The following TULP3 variants were observed in gnomAD, a reference collection of about 807,000 sequenced individuals.
TULP3 encodes the protein TUB like protein 3, also known as tubby-related protein 3.
Under a neutral mutation model 50.7 loss-of-function variants are expected in TULP3, and 38 were observed. The ratio of observed to expected loss-of-function variants is 0.75; its 90% CI spans 0.58 to 0.98. The LOEUF (loss-of-function observed/expected upper bound fraction) is 0.98, where lower values mean the gene tolerates loss of function less well. Ranked by LOEUF, TULP3 falls within the 50% of genes least tolerant of loss-of-function variation. TULP3 has a pLI of 0.00. For synonymous variants in TULP3, 183 were observed against 196.6 expected, an observed-to-expected ratio of 0.93 and a Z score of 0.58; for missense variants, 550 against 568.0, an observed-to-expected ratio of 0.97 and a Z score of 0.32.
intron 2 of TULP3, among the ~76,000 whole-genome samples, chr12:2,919,151 C>CG (rs2098190347): frequency 6.6e-6 from 1 of 152,168 alleles, no homozygotes; most frequent in Admixed American, 6.5e-5. Flanking sequence ...CTCTGCCTCC[C>CG]AAAGTGTTGG....
chr12:2,919,499 C>A (rs1196121350), intron 2 of TULP3, among the ~76,000 whole-genome samples: 1 of 152,112 alleles, frequency 6.6e-6, no homozygotes, highest in East Asian at 1.9e-4. Context: ...CTTGGAGTGA[C>A]TCTTCTTCCT....
chr12:2,938,991 C>T (rs575674662), intron 10 of TULP3, among the ~76,000 whole-genome samples: 270 of 152,230 alleles, frequency 1.8e-3, no homozygotes, highest in Non-Finnish European at 3.3e-3. Context: ...CTTTGGGAGG[C>T]CGAGGCAGGA....
intron 1 of TULP3, among the ~76,000 whole-genome samples, chr12:2,906,241 A>G (rs2098182150): frequency 6.6e-6 from 1 of 151,240 alleles, no homozygotes; most frequent in South Asian, 2.1e-4. Context: ...CATGTTGGCC[A>G]GACTGCTCTT....
intron 1 of TULP3, among the ~76,000 whole-genome samples, chr12:2,897,771 T>TAAAAA (rs71057851): frequency 0.051 from 6,418 of 125,506 alleles, 471 homozygotes; most frequent in African/African-American, 0.16. Context: ...CCCTGTCTCT[T>TAAAAA]AAAAAAAAAA....
chr12:2,909,584 AG>A lies in TULP3; in HGVS notation c.93+5del. 1 of 1,583,026 alleles carries A rather than the reference AG, an allele frequency of 6.3e-7. No homozygotes were observed. The highest frequency in any genetic ancestry group is 8.5e-7 in the Non-Finnish European group (1 of 1,171,272). The stretch of plus-strand genomic sequence containing the variant: ...ACAGGCTAAGCTGGATTATCAGGTG[AG>A]CAGAGTCTCCTCTTTTGAAATAGGT... On this transcript the variant is annotated splice_donor_5th_base_variant and intron_variant, in intron 2 of 10. Transcript: ENST00000448120.
intron 1 of TULP3, 27 bp downstream of exon 1, chr12:2,891,015 TC>T: frequency 1.3e-6 from 2 of 1,555,254 alleles, no homozygotes; most frequent in Non-Finnish European, 1.7e-6. Context: ...GCAGGTCTCC[TC>T]CTGAGCGAGG....
chr12:2,922,678 A>G (rs985850648), intron 4 of TULP3, among the ~76,000 whole-genome samples: 1 of 151,972 alleles, frequency 6.6e-6, no homozygotes, highest in African/African-American at 2.4e-5. Flanking sequence ...CTTTTTGACT[A>G]TTTTCAGTTC....
chr12:2,916,012 A>C (rs1219815153), intron 2 of TULP3, among the ~76,000 whole-genome samples: 2 of 151,866 alleles, frequency 1.3e-5, no homozygotes, highest in Non-Finnish European at 2.9e-5. Context: ...CATTAATTTA[A>C]ATGAAGTTTT....
At chr12:2,932,274 A>C (rs1320487763) in intron 6 of TULP3, among the ~76,000 whole-genome samples, 2 of 152,022 alleles carry the variant, frequency 1.3e-5, no homozygotes, top group African/African-American at 4.8e-5. Flanking sequence ...CTGTGTCCCC[A>C]TGGCATGAAG....
chr12:2,934,523 G>A lies in TULP3; in HGVS notation c.886G>A (p.Ala296Thr). The A allele has an allele frequency of 1.9e-6, 3 of 1,602,358 alleles. No homozygotes were observed. Among genetic ancestry groups the A allele is most frequent in the Non-Finnish European group, 2.6e-6 (3 of 1,174,792 alleles). The change falls in exon 8 of 11, where the codon GCG becomes ACG. Residue 296 changes from alanine to threonine, a missense_variant. By Grantham distance (58) the Ala-to-Thr change is moderately conservative. Coordinates refer to ENST00000448120, the MANE Select transcript of TULP3 (RefSeq NM_003324.5). ...CPMKGRGLVG[A>T]AHTRQELAAI... is the part of the protein sequence containing the mutation. The stretch of plus-strand genomic sequence containing the variant: ...CATGAAGGGCCGGGGTTTGGTAGGA[G>A]CGGCCCACACCCGGCAGGAGCTGGC...
chr12:2,901,733 T>C (rs6489407), intron 1 of TULP3, among the ~76,000 whole-genome samples: 151,542 of 152,250 alleles, frequency 1, 75,424 homozygotes, highest in Middle Eastern at 1. Context: ...TCTTTAGATT[T>C]TAAATATTAA....
In TULP3 at chr12:2,940,009, C is replaced by T. The variant is rs1158007861; in HGVS notation, c.*565C>T. ...GACATCGCAGTTCCTCTCCTCTCTT[C>T]ATTCCCTCACAGCAGATTGGCCGGC... On this transcript the variant is annotated 3_prime_UTR_variant, in exon 11 of 11. Coordinates refer to ENST00000448120, the MANE Select transcript of TULP3 (RefSeq NM_003324.5). 7 of 1,287,212 alleles carry T rather than the reference C, an allele frequency of 5.4e-6. No individual in the cohort carries two copies. The East Asian group carries it at 3.3e-4, about 62-fold the overall frequency. 79.7% of individuals were successfully genotyped at this position (1,287,212 alleles called of 1,614,324 possible). A position where few individuals can be genotyped will look rare whatever the true frequency, so the allele number is the denominator to read the frequency against.
At chr12:2,902,392 T>A (rs1467436639) in intron 1 of TULP3, among the ~76,000 whole-genome samples, 1 of 152,236 alleles carries the variant, frequency 6.6e-6, no homozygotes, top group Non-Finnish European at 1.5e-5. Flanking sequence ...ATCCTGCTGC[T>A]TTCCTGGCAA....
chr12:2,891,854 G>C (rs927976593), intron 1 of TULP3, among the ~76,000 whole-genome samples: 2 of 152,034 alleles, frequency 1.3e-5, no homozygotes, highest in South Asian at 4.2e-4. Flanking sequence ...AGGAGTTCGA[G>C]ACCAGCCTGG....
intron 1 of TULP3, among the ~76,000 whole-genome samples, chr12:2,899,919 CAAAAA>C (rs796727543): frequency 4.1e-4 from 19 of 46,716 alleles, no homozygotes; most frequent in African/African-American, 2.1e-3. Flanking sequence ...AAAAAAAAAA[CAAAAA>C]AAACTTGGAG....
At position 2,933,452 on chromosome 12, in the gene TULP3, G is replaced by T; in HGVS notation, c.731G>T (p.Ser244Ile). 1.2e-6 allele frequency: 2 copies of T among 1,613,866 alleles called. No individual in the cohort carries two copies. Among genetic ancestry groups the T allele is most frequent in the Non-Finnish European group, 1.7e-6 (2 of 1,179,906 alleles). ...CTTGCAGCTAGAAAGCGGAAAAAGA[G>T]CAAAACAGCCAACTACCTTATCTCC... ...FLLAARKRKK[S>I]KTANYLISID... is the part of the protein sequence containing the mutation. The change falls in exon 7 of 11, where the codon AGC becomes ATC. Residue 244 changes from serine (S) to isoleucine (I), a missense_variant. Ser to Ile is a moderately radical substitution (Grantham distance 142). Coordinates refer to ENST00000448120, the MANE Select transcript of TULP3 (RefSeq NM_003324.5).
intron 1 of TULP3, among the ~76,000 whole-genome samples, chr12:2,898,498 G>A (rs1286913205): frequency 1.3e-5 from 2 of 152,004 alleles, no homozygotes; most frequent in African/African-American, 4.8e-5. Flanking sequence ...TTAACCAAAC[G>A]TTTTTGGTTT....
Position 2,927,366 on chromosome 12 carries a change from A to ATTTTTTTTTTTTTTTT in TULP3, c.395-2879_395-2864dup, listed in dbSNP as rs71057864. Among the ~76,000 whole-genome samples, 75 of 105,160 alleles carry ATTTTTTTTTTTTTTTT rather than the reference A, an allele frequency of 7.1e-4. 5 individuals are homozygous for ATTTTTTTTTTTTTTTT. Among genetic ancestry groups the ATTTTTTTTTTTTTTTT allele is most frequent in the East Asian group, 1.2e-3 (4 of 3,220 alleles). The allele number at this position is 105,160 out of a possible 152,430, so 69.0% of individuals were successfully genotyped here. A position where few individuals can be genotyped will look rare whatever the true frequency, so the allele number is the denominator to read the frequency against. On this transcript the variant is annotated intron_variant, in intron 4 of 10. Coordinates refer to ENST00000448120, the MANE Select transcript of TULP3 (RefSeq NM_003324.5). Reference sequence around the variant, plus strand: ...GGACCTATGTTTTCAGTTGAGACTGATTTTTTTTTTTTTTTTTTGAGACCA... The same window carrying ATTTTTTTTTTTTTTTT: ...GGACCTATGTTTTCAGTTGAGACTGATTTTTTTTTTTTTTTTTTTTTTTTTTTTTTTTTTGAGACCA...
At chr12:2,935,449 C>T (rs1453641410) in intron 8 of TULP3, among the ~76,000 whole-genome samples, 2 of 152,208 alleles carry the variant, frequency 1.3e-5, no homozygotes, top group East Asian at 1.9e-4. Flanking sequence ...AATTCTTACT[C>T]ATGGCTATAT....
Sources: gnomAD v4.1 joint callset for allele counts (sites outside exome capture counted in the v4.1 genomes callset) on GRCh38, gnomAD v4.1.1 for gene constraint, MANE v1.5 for transcripts, NCBI Gene and HGNC (gene_info 2026-07-23, HGNC 2026-07-21) for gene names.